The following OXCT1 variants were observed in gnomAD, a reference collection of about 807,000 sequenced individuals.
OXCT1 encodes the protein succinyl-CoA:3-ketoacid coenzyme A transferase 1, mitochondrial.
OXCT1 carries 27 observed loss-of-function variants against 69.6 expected under a neutral mutation model. That is an observed-to-expected ratio of 0.39 (90% CI 0.29 to 0.54). The LOEUF (loss-of-function observed/expected upper bound fraction) is 0.54, where lower values mean the gene tolerates loss of function less well. OXCT1 is among the 20% of genes least tolerant of loss of function. OXCT1 has a pLI of 0.72. For missense variants in OXCT1, 437 were observed against 650.2 expected, an observed-to-expected ratio of 0.67 and a Z score of 3.57; for synonymous variants, 202 against 217.8, an observed-to-expected ratio of 0.93 and a Z score of 0.64.
intron 3 of OXCT1, among the ~76,000 whole-genome samples, chr5:41,855,276 C>T (rs1424978916): frequency 6.6e-6 from 1 of 152,128 alleles, no homozygotes; most frequent in Non-Finnish European, 1.5e-5. Flanking sequence ...AAGAGAACAG[C>T]GACTGGAAGG....
chr5:41,748,674 C>T (rs1277767361), intron 15 of OXCT1, among the ~76,000 whole-genome samples: 1 of 152,000 alleles, frequency 6.6e-6, no homozygotes, highest in African/African-American at 2.4e-5. Context: ...AATAAGCCTC[C>T]TAGCCCACTT....
chr5:41,850,359 C>G (rs1317664645), intron 4 of OXCT1, among the ~76,000 whole-genome samples, 180 bp from the exon 5 acceptor site: 1 of 152,140 alleles, frequency 6.6e-6, no homozygotes, highest in East Asian at 1.9e-4. Flanking sequence ...GAAGTTACTG[C>G]CCCTCTAGAA....
At chr5:41,794,432 T>A (rs1041858499) in intron 12 of OXCT1, 1 of 600,320 alleles carries the variant, frequency 1.7e-6, no homozygotes, top group African/African-American at 1.9e-5. Flanking sequence ...CTTAGAAATG[T>A]TTATTTCAGT....
At chr5:41,783,357 C>A (rs1035440473) in intron 13 of OXCT1, among the ~76,000 whole-genome samples, 1 of 152,130 alleles carries the variant, frequency 6.6e-6, no homozygotes, top group Non-Finnish European at 1.5e-5. Context: ...ATTCATTAGC[C>A]TTTAGCTGCA....
At chr5:41,845,015 AC>A (rs1247296296) in intron 5 of OXCT1, among the ~76,000 whole-genome samples, 2 of 150,496 alleles carry the variant, frequency 1.3e-5, no homozygotes, top group African/African-American at 4.9e-5. Context: ...AAATTACATC[AC>A]TCTCACCCTT....
intron 13 of OXCT1, among the ~76,000 whole-genome samples, chr5:41,775,823 A>C (rs1018423632): frequency 3.3e-5 from 5 of 152,196 alleles, no homozygotes; most frequent in African/African-American, 1.2e-4. Flanking sequence ...ATCGCTCAGG[A>C]AATTCCAAAC....
At chr5:41,743,715 A>G (rs1743315025) in intron 15 of OXCT1, among the ~76,000 whole-genome samples, 1 of 152,166 alleles carries the variant, frequency 6.6e-6, no homozygotes, top group South Asian at 2.1e-4. Context: ...CAGTTTTCCC[A>G]GCACCATTTA....
intron 13 of OXCT1, among the ~76,000 whole-genome samples, chr5:41,791,186 C>G (rs1302002842): frequency 6.6e-6 from 1 of 152,060 alleles, no homozygotes; most frequent in Non-Finnish European, 1.5e-5. Context: ...CATGGTGCAT[C>G]ACATACAAAG....
chr5:41,781,499 T>C (rs1745398871), intron 13 of OXCT1, among the ~76,000 whole-genome samples: 1 of 151,804 alleles, frequency 6.6e-6, no homozygotes. Context: ...GATATGCAGG[T>C]TTGTTACATA....
At chr5:41,865,127 T>G (rs1156751630) in intron 1 of OXCT1, among the ~76,000 whole-genome samples, 3 of 152,346 alleles carry the variant, frequency 2.0e-5, no homozygotes, top group Non-Finnish European at 4.4e-5. Context: ...TATTTTTAAA[T>G]GTACAATTAA....
chr5:41,758,530 T>C (rs922373276), intron 14 of OXCT1, among the ~76,000 whole-genome samples: 2 of 149,864 alleles, frequency 1.3e-5, no homozygotes, highest in Admixed American at 6.7e-5. Context: ...AATCTATCTA[T>C]GGATACAAGT....
chr5:41,796,116 C>T (rs1203337016), intron 11 of OXCT1, among the ~76,000 whole-genome samples: 2 of 152,096 alleles, frequency 1.3e-5, no homozygotes, highest in African/African-American at 4.8e-5. Context: ...CAAGAGGTCC[C>T]CTTGGAAGGA....
chr5:41,805,621 C>G lies in OXCT1; in HGVS notation c.901G>C (p.Val301Leu). ...EAKSAKPGDD[V>L]RERIIKRAAL... The stretch of plus-strand genomic sequence containing the variant: ...GCCCTCTTGATGATTCGTTCCCTTA[C>G]GTCATCTCCAGGTTTAGCAGATTTG... The change falls in exon 9 of 17, where the codon GTA becomes CTA. Residue 301 changes from valine to leucine, a missense_variant. Around this residue, in one of 4 missense-constraint regions of OXCT1, gnomAD observed 252 missense variants for 397.4 expected, o/e 0.63. Transcript: ENST00000196371. 2.5e-6 allele frequency: 4 copies of G among 1,612,986 alleles called. No individual in the cohort carries two copies. Among genetic ancestry groups the G allele is most frequent in the Non-Finnish European group, 3.4e-6 (4 of 1,179,304 alleles).
In OXCT1 at chr5:41,730,235, C is replaced by T. The variant is rs1273755167; in HGVS notation, c.*1494G>A. ...TCAACAATTCTTTTCAAAATCATAT[C>T]AATATATTACTCTCATGGAACTTGC... is the stretch of plus-strand genomic sequence containing the variant. On this transcript the variant is annotated 3_prime_UTR_variant, in exon 17 of 17. Transcript: ENST00000196371. 1.3e-5 allele frequency: 2 copies of T among 152,156 alleles called. No homozygotes were observed. Among genetic ancestry groups the T allele is most frequent in the African/African-American group, 2.4e-5 (1 of 41,424 alleles). 9.4% of individuals were successfully genotyped at this position (152,156 alleles called of 1,614,324 possible). A position where few individuals can be genotyped will look rare whatever the true frequency, so the allele number is the denominator to read the frequency against.
At chr5:41,843,199 T>C (rs1748729223) in intron 5 of OXCT1, among the ~76,000 whole-genome samples, 1 of 152,224 alleles carries the variant, frequency 6.6e-6, no homozygotes, top group Non-Finnish European at 1.5e-5. Context: ...TACAAAAATC[T>C]ATCATTCAGC....
intron 15 of OXCT1, among the ~76,000 whole-genome samples, chr5:41,749,038 C>A (rs936349983): frequency 1.3e-5 from 2 of 151,874 alleles, no homozygotes; most frequent in Non-Finnish European, 2.9e-5. Flanking sequence ...GTTTTGAAAC[C>A]CTACTCTATA....
chr5:41,850,325 T>C, intron 4 of OXCT1, 146 bp from the exon 5 acceptor site: 2 of 883,334 alleles, frequency 2.3e-6, no homozygotes. Context: ...TCACTAATAT[T>C]GTATGCTAGA....
At chr5:41,803,224 T>C (rs111369494) in intron 9 of OXCT1, 61 bp from the exon 10 acceptor site, 1 of 1,075,280 alleles carries the variant, frequency 9.3e-7, no homozygotes, top group East Asian at 2.4e-5. Context: ...ACCATAAATC[T>C]TCTACATATA....
chr5:41,863,644 T>C (rs1749841264), intron 1 of OXCT1, among the ~76,000 whole-genome samples: 1 of 152,168 alleles, frequency 6.6e-6, no homozygotes, highest in Admixed American at 6.5e-5. Flanking sequence ...AACTCCATCA[T>C]TTGTGGCCAC....
Sources: gnomAD v4.1 joint callset for allele counts (sites outside exome capture counted in the v4.1 genomes callset) on GRCh38, gnomAD v4.1.1 for gene constraint, gnomAD v4.1.1 regional missense constraint, MANE v1.5 for transcripts, NCBI Gene and HGNC (gene_info 2026-07-23, HGNC 2026-07-21) for gene names.